CNBD1: variants seen among roughly 807,000 people sequenced by gnomAD.
The protein encoded by CNBD1 is cyclic nucleotide binding domain containing 1.
In CNBD1, 71 loss-of-function variants were observed where a neutral mutation model predicts 54.4. That is an observed-to-expected ratio of 1.30 (90% CI 1.08 to 1.59). CNBD1 has a LOEUF of 1.59. Among genes scored for constraint, CNBD1 ranks in the 40% most tolerant of loss-of-function variants. The pLI, the probability that CNBD1 is intolerant of heterozygous loss-of-function variation, is 0.00. For synonymous variants in CNBD1, 182 were observed against 170.7 expected (o/e 1.07, Z -0.51); for missense variants, 659 against 518.0 (o/e 1.27, Z -2.64).
chr8:87,010,121 T>C (rs1809184299), intron 4 of CNBD1, among the ~76,000 whole-genome samples: 1 of 152,198 alleles, frequency 6.6e-6, no homozygotes, highest in African/African-American at 2.4e-5. Flanking sequence ...TTCAAGTTAA[T>C]AAAATTCAAT....
chr8:86,966,059 G>C (rs928622751), intron 4 of CNBD1, among the ~76,000 whole-genome samples: 3 of 152,168 alleles, frequency 2.0e-5, no homozygotes, highest in African/African-American at 7.2e-5. Context: ...TCAAAGGGGA[G>C]GAAGTGCCTG....
chr8:87,170,758 C>T (rs11785703), intron 4 of CNBD1, among the ~76,000 whole-genome samples: 35,437 of 151,968 alleles, frequency 0.23, 4,172 homozygotes, highest in South Asian at 0.26. Context: ...TTTTCAGCAT[C>T]GATTGAAATG....
chr8:87,064,465 A>G (rs888334829), intron 4 of CNBD1, among the ~76,000 whole-genome samples: 1 of 151,954 alleles, frequency 6.6e-6, no homozygotes, highest in Admixed American at 6.6e-5. Context: ...CTTAGAACAC[A>G]TTAAATCCAC....
intron 4 of CNBD1, among the ~76,000 whole-genome samples, chr8:86,951,581 C>CA (rs71275901): frequency 0.079 from 2,962 of 37,296 alleles, 1,039 homozygotes; most frequent in Admixed American, 0.1. Context: ...CTCCGTCTCA[C>CA]AAAAAAAAAA....
At chr8:87,411,809 C>A (rs777452556) in intron 2 of CNBD1, among the ~76,000 whole-genome samples, 1 of 151,484 alleles carries the variant, frequency 6.6e-6, no homozygotes, top group African/African-American at 2.4e-5. Context: ...TGATAAATGC[C>A]ATCTTAGTGA....
chr8:87,218,445 T>A (rs1249312744), intron 5 of CNBD1, among the ~76,000 whole-genome samples: 1 of 152,110 alleles, frequency 6.6e-6, no homozygotes, highest in African/African-American at 2.4e-5. Flanking sequence ...TGGCCACATA[T>A]CACGGTGCCA....
intron 4 of CNBD1, among the ~76,000 whole-genome samples, chr8:87,024,874 G>T (rs954260542): frequency 6.6e-6 from 1 of 152,072 alleles, no homozygotes; most frequent in Non-Finnish European, 1.5e-5. Context: ...CCAAGAAACT[G>T]TTTTTTGAGA....
intron 1 of CNBD1, among the ~76,000 whole-genome samples, chr8:86,875,016 A>ATATG (rs958880029): frequency 7.2e-6 from 1 of 138,484 alleles, no homozygotes; most frequent in African/African-American, 2.8e-5. Context: ...ATATATATAT[A>ATATG]TATATGTATT....
chr8:86,911,183 TTGGCATTCACCC>T (rs1554629674), intron 3 of CNBD1, among the ~76,000 whole-genome samples: 1 of 152,212 alleles, frequency 6.6e-6, no homozygotes, highest in Non-Finnish European at 1.5e-5. Context: ...GGCACAGCTG[TTGGCATTCACCC>T]ATGCAAGCTT....
At chr8:87,208,775 A>G (rs764233478) in intron 5 of CNBD1, among the ~76,000 whole-genome samples, 2 of 151,882 alleles carry the variant, frequency 1.3e-5, no homozygotes, top group Non-Finnish European at 2.9e-5. Flanking sequence ...TTACAGTATT[A>G]TTTCTCTTCT....
At chr8:87,070,890 C>T (rs1810746919) in intron 4 of CNBD1, among the ~76,000 whole-genome samples, 1 of 151,944 alleles carries the variant, frequency 6.6e-6, no homozygotes, top group African/African-American at 2.4e-5. Context: ...TAAGGAAGAG[C>T]ACATCCCTAG....
chr8:86,878,605 G>A (rs1409135627), intron 1 of CNBD1, among the ~76,000 whole-genome samples: 4 of 151,298 alleles, frequency 2.6e-5, no homozygotes, highest in South Asian at 4.2e-4. Context: ...AGTGTTATGT[G>A]GAACCGTTGT....
chr8:87,391,872 C>A (rs984036547), intron 2 of CNBD1, among the ~76,000 whole-genome samples: 4 of 151,970 alleles, frequency 2.6e-5, no homozygotes, highest in Non-Finnish European at 4.4e-5. Context: ...TTTTGTGCTG[C>A]AAATGACACT....
At chr8:87,104,206 G>A (rs1271748974) in intron 4 of CNBD1, among the ~76,000 whole-genome samples, 1 of 152,222 alleles carries the variant, frequency 6.6e-6, no homozygotes, top group Non-Finnish European at 1.5e-5. Flanking sequence ...TCATGGACTG[G>A]AGGTCCTAGC....
chr8:87,163,047 G>A lies in CNBD1; in HGVS notation c.432-42946G>A, dbSNP rs1236528539. On this transcript the variant is annotated intron_variant, in intron 4 of 10. Transcript: ENST00000518476. This position sits in a 1 kb window ranked among gnomAD's most constrained non-coding sequence, Gnocchi z 4.5. Reference sequence around the variant, plus strand: ...TAGCTTTCAAAGCACCATTTTGGGGGCAGAGAGAGCAGCCTTCACCACATA... The same window carrying A: ...TAGCTTTCAAAGCACCATTTTGGGGACAGAGAGAGCAGCCTTCACCACATA... Among the ~76,000 whole-genome samples, 2 of 152,012 alleles carry A rather than the reference G, an allele frequency of 1.3e-5. No homozygotes were observed. The highest frequency in any genetic ancestry group is 2.9e-5 in the Non-Finnish European group (2 of 67,996).
chr8:86,882,324 T>C (rs1808617382), intron 1 of CNBD1, among the ~76,000 whole-genome samples: 1 of 151,816 alleles, frequency 6.6e-6, no homozygotes, highest in Non-Finnish European at 1.5e-5. Context: ...TAAACAAATT[T>C]ACAAGAAAAA....
At chr8:86,985,036 G>A (rs925526218) in intron 4 of CNBD1, among the ~76,000 whole-genome samples, 4 of 152,290 alleles carry the variant, frequency 2.6e-5, no homozygotes, top group Admixed American at 6.5e-5. Context: ...GAGGGATCCA[G>A]TGGGAGGTAA....
intron 4 of CNBD1, among the ~76,000 whole-genome samples, chr8:87,043,050 A>G (rs1044012212): frequency 6.6e-6 from 1 of 152,226 alleles, no homozygotes; most frequent in South Asian, 2.1e-4. Context: ...TAGAGAAAGT[A>G]TGAAGATATG....
At chr8:87,310,676 T>C (rs1809245955) in intron 8 of CNBD1, among the ~76,000 whole-genome samples, 1 of 152,044 alleles carries the variant, frequency 6.6e-6, no homozygotes, top group Admixed American at 6.6e-5. Context: ...AAATAGCCAA[T>C]GCAATTTTAA....
Sources: gnomAD v4.1 joint callset for allele counts (sites outside exome capture counted in the v4.1 genomes callset) on GRCh38, gnomAD v4.1.1 for gene constraint, Gnocchi (gnomAD v3.1) non-coding constraint, MANE v1.5 for transcripts, NCBI Gene and HGNC (gene_info 2026-07-23, HGNC 2026-07-21) for gene names.